ASTN2: variants seen among roughly 807,000 people sequenced by gnomAD.
ASTN2 encodes the protein astrotactin 2, also known as astrotactin-2.
Under a neutral mutation model 139.8 loss-of-function variants are expected in ASTN2, and 54 were observed. The observed-to-expected ratio is 0.39, with a 90% CI of 0.31 to 0.48. The LOEUF is 0.48. ASTN2 is among the 20% of genes least tolerant of loss of function. The pLI is 0.95. For missense variants in ASTN2, 1,565 were observed against 1,725.1 expected, an observed-to-expected ratio of 0.91 and a Z score of 1.64; for synonymous variants, 756 against 719.5, an observed-to-expected ratio of 1.05 and a Z score of -0.81.
At chr9:116,956,003 A>G (rs1835694940) in intron 10 of ASTN2, among the ~76,000 whole-genome samples, 1 of 152,204 alleles carries the variant, frequency 6.6e-6, no homozygotes, top group Non-Finnish European at 1.5e-5. Context: ...CATTGGCTGT[A>G]CAGCAGAACG....
intron 5 of ASTN2, among the ~76,000 whole-genome samples, chr9:117,060,950 G>T (rs76994874): frequency 0.11 from 16,543 of 151,952 alleles, 1,161 homozygotes; most frequent in East Asian, 0.2. Context: ...AGACACGATA[G>T]AATTTACACT....
At chr9:117,248,923 G>T (rs1227590427) in intron 2 of ASTN2, among the ~76,000 whole-genome samples, 1 of 152,176 alleles carries the variant, frequency 6.6e-6, no homozygotes, top group African/African-American at 2.4e-5. Context: ...TGATGATGAG[G>T]TTCGGGGCAA....
intron 10 of ASTN2, among the ~76,000 whole-genome samples, chr9:116,967,164 C>G (rs1207522359): frequency 6.6e-6 from 1 of 152,106 alleles, no homozygotes; most frequent in Non-Finnish European, 1.5e-5. Context: ...AAATGTTAGT[C>G]ATTAGTATTG....
intron 13 of ASTN2, among the ~76,000 whole-genome samples, chr9:116,784,944 A>T (rs1376203187): frequency 2.6e-5 from 4 of 152,064 alleles, no homozygotes; most frequent in South Asian, 2.1e-4. Flanking sequence ...AAAAAAAAAA[A>T]AAAAAATAAG....
chr9:117,090,277 T>C (rs1828673224), intron 5 of ASTN2, among the ~76,000 whole-genome samples: 1 of 152,222 alleles, frequency 6.6e-6, no homozygotes, highest in Non-Finnish European at 1.5e-5. Flanking sequence ...AGAAAAATGT[T>C]GCTGGCCCCT....
intron 1 of ASTN2, among the ~76,000 whole-genome samples, chr9:117,370,236 G>A (rs979028081): frequency 1.3e-5 from 2 of 152,012 alleles, no homozygotes; most frequent in Non-Finnish European, 2.9e-5. Flanking sequence ...AACACTCAAC[G>A]AAAAATATAA....
At chr9:117,331,027 C>T (rs1828690324) in intron 1 of ASTN2, among the ~76,000 whole-genome samples, 1 of 152,294 alleles carries the variant, frequency 6.6e-6, no homozygotes, top group African/African-American at 2.4e-5. Flanking sequence ...GCATGCAACA[C>T]CTAAGACAGA....
At chr9:117,065,429 G>A (rs1827907222) in intron 5 of ASTN2, among the ~76,000 whole-genome samples, 1 of 152,112 alleles carries the variant, frequency 6.6e-6, no homozygotes, top group Admixed American at 6.6e-5. Context: ...CTGTGTGGAA[G>A]CACTCTTGAC....
At position 117,080,745 on chromosome 9, in the gene ASTN2, A is replaced by G. The variant is rs528397784; in HGVS notation, c.1276+15299T>C. 3.3e-5 allele frequency among the ~76,000 whole-genome samples: 5 copies of G among 152,280 alleles called. No individual in the cohort carries two copies. In the South Asian group the frequency reaches 6.2e-4, roughly 19 times the overall value. On this transcript the variant is annotated intron_variant, in intron 5 of 22. Coordinates refer to ENST00000313400, the MANE Select transcript of ASTN2 (RefSeq NM_001365068.1). ...CAGATATCCTTAGAGCAGAGAGATG[A>G]GCTTAGGAATCAGTGGTCTTGACTT... is the stretch of plus-strand genomic sequence containing the variant.
chr9:116,666,754 G>C (rs891247856), intron 16 of ASTN2, among the ~76,000 whole-genome samples: 2 of 151,830 alleles, frequency 1.3e-5, no homozygotes, highest in South Asian at 2.1e-4. Flanking sequence ...CCCTAAAAAA[G>C]AGAAACAAAT....
chr9:116,954,212 A>T (rs1182023017), intron 10 of ASTN2, among the ~76,000 whole-genome samples: 1 of 152,198 alleles, frequency 6.6e-6, no homozygotes, highest in Non-Finnish European at 1.5e-5. Context: ...CTAGAAAGGG[A>T]ATATAACTTA....
intron 11 of ASTN2, among the ~76,000 whole-genome samples, chr9:116,829,591 T>G (rs1210967092): frequency 6.6e-6 from 1 of 152,146 alleles, no homozygotes; most frequent in Admixed American, 6.5e-5. Flanking sequence ...TTCACATTGC[T>G]GGGAGCAGGA....
At chr9:116,728,456 T>G (rs1049777649) in intron 15 of ASTN2, among the ~76,000 whole-genome samples, 2 of 152,124 alleles carry the variant, frequency 1.3e-5, no homozygotes, top group Non-Finnish European at 2.9e-5. Flanking sequence ...TGCACCATTT[T>G]GGGCACTATA....
At chr9:116,473,685 G>A (rs1039230236) in intron 20 of ASTN2, among the ~76,000 whole-genome samples, 67 of 152,296 alleles carry the variant, frequency 4.4e-4, no homozygotes, top group Admixed American at 3.9e-3. Context: ...ATCACCTGAC[G>A]TCAGGAGTTC....
chr9:116,954,400 T>A (rs1270105553), intron 10 of ASTN2, among the ~76,000 whole-genome samples: 2 of 152,234 alleles, frequency 1.3e-5, no homozygotes, highest in Non-Finnish European at 2.9e-5. Flanking sequence ...TGGGGCCTGA[T>A]AATCTACATT....
rs753738560 is a variant in ASTN2, at chr9:116,697,875, C to T, written c.2806+27896G>A. 19 of 1,614,074 alleles carry T rather than the reference C, an allele frequency of 1.2e-5. No individual in the cohort carries two copies. The highest frequency in any genetic ancestry group is 3.3e-5 in the Admixed American group (2 of 60,014). On this transcript the variant is annotated intron_variant, in intron 16 of 22. Coordinates refer to ENST00000313400, the MANE Select transcript of ASTN2 (RefSeq NM_001365068.1). ...TCTGCACTGTGGCCATACCATCTGC[C>T]GCCAGTGCCTGGAGAAGCTATTGGC...
At chr9:116,886,912 G>A (rs1431145432) in intron 10 of ASTN2, among the ~76,000 whole-genome samples, 1 of 152,010 alleles carries the variant, frequency 6.6e-6, no homozygotes, top group Non-Finnish European at 1.5e-5. Context: ...TGGGAGCTTG[G>A]GGGAGCTGTG....
At chr9:116,863,840 A>T in intron 10 of ASTN2, 107 bp from the exon 11 acceptor site, 1 of 1,190,450 alleles carries the variant, frequency 8.4e-7, no homozygotes, top group Non-Finnish European at 1.2e-6. Flanking sequence ...ACTTATAATC[A>T]GGAAAACAAT....
intron 19 of ASTN2, among the ~76,000 whole-genome samples, chr9:116,565,388 CATATATATATATATATATATATAT>C (rs1164878126): frequency 5.9e-5 from 2 of 34,020 alleles, no homozygotes; most frequent in African/African-American, 1.4e-4. Flanking sequence ...TCTCTCTCTC[CATATATATATATATATATATATAT>C]ATATATATAT....
Sources: gnomAD v4.1 joint callset for allele counts (sites outside exome capture counted in the v4.1 genomes callset) on GRCh38, gnomAD v4.1.1 for gene constraint, MANE v1.5 for transcripts, NCBI Gene and HGNC (gene_info 2026-07-23, HGNC 2026-07-21) for gene names.